The following NFKB1 variants were observed in gnomAD, a reference collection of about 807,000 sequenced individuals.
The protein encoded by NFKB1 is nuclear factor kappa B subunit 1.
In NFKB1, 9 loss-of-function variants were observed where a neutral mutation model predicts 105.1. The ratio of observed to expected loss-of-function variants is 0.09; its 90% CI spans 0.05 to 0.15. The LOEUF (loss-of-function observed/expected upper bound fraction) is 0.15, where lower values mean the gene tolerates loss of function less well. NFKB1 is among the 10% of genes least tolerant of loss of function. The pLI is 1.00. For synonymous variants in NFKB1, 440 were observed against 442.2 expected, an observed-to-expected ratio of 1.00 and a Z score of 0.06; for missense variants, 830 against 1,203.7, an observed-to-expected ratio of 0.69 and a Z score of 4.59.
chr4:102,547,776 C>T (rs983123604), intron 5 of NFKB1, among the ~76,000 whole-genome samples: 4 of 152,082 alleles, frequency 2.6e-5, no homozygotes, highest in Non-Finnish European at 5.9e-5. Flanking sequence ...ATTTTTAGTA[C>T]AGTCTCTCTA....
chr4:102,600,882 G>A lies in NFKB1; in HGVS notation c.1638-13G>A, dbSNP rs1454604582. 1 of 1,425,346 alleles carries A rather than the reference G, an allele frequency of 7.0e-7. No individual in the cohort carries two copies. The highest frequency in any genetic ancestry group is 1.4e-5 in the African/African-American group (1 of 70,804). 88.3% of individuals were successfully genotyped at this position (1,425,346 alleles called of 1,614,324 possible). On this transcript the variant is annotated splice_polypyrimidine_tract_variant and intron_variant, in intron 15 of 23. Coordinates refer to ENST00000226574, the MANE Select transcript of NFKB1 (RefSeq NM_003998.4). ...CATTTTAGTTAATTATTGCCACTGT[G>A]TTTTCATTCCAGTGTCTTACACTTA... is the stretch of plus-strand genomic sequence containing the variant.
At chr4:102,614,652 A>G (rs1728769973) in intron 23 of NFKB1, among the ~76,000 whole-genome samples, 1 of 151,798 alleles carries the variant, frequency 6.6e-6, no homozygotes, top group Non-Finnish European at 1.5e-5. Context: ...TCACCTCCAC[A>G]TTGCCAGATC....
chr4:102,536,346 G>A (rs569077873), intron 4 of NFKB1, among the ~76,000 whole-genome samples: 26 of 152,262 alleles, frequency 1.7e-4, no homozygotes, highest in African/African-American at 6.0e-4. Context: ...AATTGTTTTA[G>A]GTCTCACTGT....
chr4:102,604,288 T>A (rs76388700), intron 16 of NFKB1, among the ~76,000 whole-genome samples: 1 of 152,160 alleles, frequency 6.6e-6, no homozygotes, highest in Non-Finnish European at 1.5e-5. Flanking sequence ...ACCTTTAAAA[T>A]TTTTTTAATT....
chr4:102,517,550 T>C (rs753134508), intron 1 of NFKB1, among the ~76,000 whole-genome samples: 1 of 152,188 alleles, frequency 6.6e-6, no homozygotes, highest in Non-Finnish European at 1.5e-5. Flanking sequence ...GGAACTTCTA[T>C]CCATTTGAGA....
chr4:102,559,030 T>C lies in NFKB1; in HGVS notation c.259-7957T>C, dbSNP rs116829593. Among the ~76,000 whole-genome samples the C allele has an allele frequency of 3.3e-3, 506 of 152,130 alleles. 2 individuals are homozygous for C. Among genetic ancestry groups the C allele is most frequent in the Middle Eastern group, 0.014 (4 of 294 alleles). ...GTAAAGCCTGAAAGCAGGTAAGAAA[T>C]ATACAGGTATACAGATGTCCCTGGA... On this transcript the variant is annotated intron_variant, in intron 5 of 23. Coordinates refer to ENST00000226574, the MANE Select transcript of NFKB1 (RefSeq NM_003998.4).
intron 5 of NFKB1, among the ~76,000 whole-genome samples, chr4:102,546,325 A>G (rs1315371081): frequency 6.6e-6 from 1 of 152,080 alleles, no homozygotes; most frequent in Admixed American, 6.5e-5. Context: ...ACTTAGCTAC[A>G]GTTTCCAGCA....
In NFKB1 at chr4:102,528,805, C is replaced by G. The variant is rs995582971; in HGVS notation, c.40-1031C>G. Among the ~76,000 whole-genome samples the G allele has an allele frequency of 3.9e-5, 6 of 152,208 alleles. No homozygotes were observed. In the East Asian group the frequency reaches 1.2e-3, roughly 29 times the overall value. ...CTTCAAAATATTCTGCATGCCCACT[C>G]TGTTGCTGCCCTAACACATTACCAC... On this transcript the variant is annotated intron_variant, in intron 2 of 23. Transcript: ENST00000226574.
intron 5 of NFKB1, among the ~76,000 whole-genome samples, chr4:102,549,664 C>T (rs1383877854): frequency 3.3e-5 from 5 of 151,970 alleles, no homozygotes; most frequent in Admixed American, 3.3e-4. Flanking sequence ...GTCTGGTAGA[C>T]TTAACATATT....
intron 20 of NFKB1, 88 bp downstream of exon 20, chr4:102,610,787 A>T: frequency 6.7e-7 from 1 of 1,481,864 alleles, no homozygotes; most frequent in South Asian, 1.3e-5. Flanking sequence ...CTGGTGCTTT[A>T]TTCCCCAAAG....
chr4:102,575,358 T>G (rs1243548388), intron 6 of NFKB1, among the ~76,000 whole-genome samples: 2 of 152,228 alleles, frequency 1.3e-5, no homozygotes, highest in Non-Finnish European at 2.9e-5. Flanking sequence ...TCTTCCCTAC[T>G]TTATCTGACC....
intron 11 of NFKB1, among the ~76,000 whole-genome samples, chr4:102,589,762 T>C (rs1404592281): frequency 6.6e-6 from 1 of 152,010 alleles, no homozygotes; most frequent in African/African-American, 2.4e-5. Context: ...GAATACCTCA[T>C]TGACTGTATT....
chr4:102,610,296 C>G (rs1347545194), intron 19 of NFKB1, among the ~76,000 whole-genome samples: 1 of 152,242 alleles, frequency 6.6e-6, no homozygotes, highest in African/African-American at 2.4e-5. Flanking sequence ...GAGAAATATC[C>G]TGTAGAGTTA....
chr4:102,578,180 A>T (rs1210303945), intron 7 of NFKB1: 1 of 162,026 alleles, frequency 6.2e-6, no homozygotes, highest in Admixed American at 6.5e-5. Flanking sequence ...ATGTGTTCAA[A>T]TTCTGCCACC....
chr4:102,580,695 T>A, intron 9 of NFKB1, 56 bp downstream of exon 9: 1 of 1,338,234 alleles, frequency 7.5e-7, no homozygotes, highest in Non-Finnish European at 1.1e-6. Flanking sequence ...CACACTACAG[T>A]TCTGAGTGTG....
chr4:102,560,500 CA>C (rs1560673131), intron 5 of NFKB1, among the ~76,000 whole-genome samples: 1 of 151,970 alleles, frequency 6.6e-6, no homozygotes, highest in Non-Finnish European at 1.5e-5. Flanking sequence ...GTTGGTCATT[CA>C]AAAAGGGCAC....
intron 18 of NFKB1, 76 bp downstream of exon 18, chr4:102,607,395 C>A: frequency 6.8e-7 from 1 of 1,480,816 alleles, no homozygotes; most frequent in South Asian, 1.2e-5. Context: ...AGAAGGAAGT[C>A]AGTAGCTGCT....
intron 5 of NFKB1, among the ~76,000 whole-genome samples, chr4:102,564,508 C>T (rs1723697344): frequency 6.6e-6 from 1 of 152,208 alleles, no homozygotes; most frequent in African/African-American, 2.4e-5. Flanking sequence ...CCAGATGATG[C>T]GATGCTGACT....
chr4:102,609,380 G>T (rs1005829172), intron 19 of NFKB1, among the ~76,000 whole-genome samples: 4 of 152,098 alleles, frequency 2.6e-5, no homozygotes, highest in Admixed American at 2.6e-4. Flanking sequence ...GGGAGGCCAG[G>T]GTGGGTGGAT....
Sources: allele counts gnomAD v4.1 joint callset (sites outside exome capture counted in the v4.1 genomes callset), GRCh38; gene constraint gnomAD v4.1.1; transcripts MANE v1.5; gene names NCBI Gene and HGNC (gene_info 2026-07-23, HGNC 2026-07-21).